The following LAYN variants were observed in gnomAD, a reference collection of about 807,000 sequenced individuals.
LAYN encodes layilin.
A neutral mutation model predicts 43.6 loss-of-function variants in LAYN; 38 were observed. That is an observed-to-expected ratio of 0.87 (90% confidence interval 0.67 to 1.14). The LOEUF is 1.14. LAYN is among the 50% of genes most tolerant of loss of function. The pLI is 0.00. For missense variants in LAYN, 479 were observed against 463.8 expected, an observed-to-expected ratio of 1.03 and a Z score of -0.30; for synonymous variants, 168 against 172.9, an observed-to-expected ratio of 0.97 and a Z score of 0.22.
At chr11:111,553,078 T>TA (rs1376535196) in intron 3 of LAYN, among the ~76,000 whole-genome samples, 1 of 151,816 alleles carries the variant, frequency 6.6e-6, no homozygotes, top group Admixed American at 6.6e-5. Context: ...CCGTCTCTAC[T>TA]AAAAAATACA....
At chr11:111,541,694 C>G (rs1867543227) in intron 1 of LAYN, 12 of 950,190 alleles carry the variant, frequency 1.3e-5, no homozygotes, top group Non-Finnish European at 1.6e-5. Context: ...CTTGACCAAA[C>G]GGGACAGAGG....
chr11:111,544,122 C>G lies in LAYN; in HGVS notation c.285C>G (p.Asp95Glu). 6.2e-7 allele frequency: 1 copy of G among 1,614,210 alleles called. No homozygotes were observed. Among genetic ancestry groups the G allele is most frequent in the Non-Finnish European group, 8.5e-7 (1 of 1,180,030 alleles). ...FIENLLPSDG[D>E]FWIGLRRREE... ...AAAACCTCTTGCCATCTGATGGTGA[C>G]TTCTGGATTGGGCTCAGGAGGCGTG... Residue 95 changes from aspartate to glutamate, a missense_variant, in exon 2 of 7, where the codon GAC becomes GAG. Transcript: ENST00000375614.
At chr11:111,555,365 C>G in intron 5 of LAYN, 75 bp downstream of exon 5, 1 of 1,057,752 alleles carries the variant, frequency 9.5e-7, no homozygotes, top group Non-Finnish European at 1.4e-6. Context: ...GTTGAATTCC[C>G]TACTTTGTTC....
In LAYN at chr11:111,544,110, A is replaced by G. The variant is rs779685452; in HGVS notation, c.273A>G (p.Pro91=). 31 of 1,614,230 alleles carry G rather than the reference A, an allele frequency of 1.9e-5. No individual in the cohort carries two copies. The highest frequency in any genetic ancestry group is 2.2e-5 in the East Asian group (1 of 44,888). Residue 91 remains proline (P), a synonymous_variant, in exon 2 of 7, where the codon CCA becomes CCG. Coordinates refer to ENST00000375614, the MANE Select transcript of LAYN (RefSeq NM_178834.5). ...AAAAGTTCATTGAAAACCTCTTGCC[A>G]TCTGATGGTGACTTCTGGATTGGGC... ...LIEKFIENLL[P]SDGDFWIGLR...
chr11:111,554,825 G>A (rs1479997661), intron 4 of LAYN, among the ~76,000 whole-genome samples: 4 of 152,132 alleles, frequency 2.6e-5, no homozygotes, highest in Non-Finnish European at 5.9e-5. Flanking sequence ...TGTTTGGGGT[G>A]TTACTTGTCA....
chr11:111,542,979 T>A (rs931697877), intron 1 of LAYN, among the ~76,000 whole-genome samples: 1 of 152,178 alleles, frequency 6.6e-6, no homozygotes, highest in African/African-American at 2.4e-5. Flanking sequence ...TGTTATTGGC[T>A]CCTCAGTAAA....
Position 111,540,720 on chromosome 11 carries a change from G to A in LAYN, c.-124G>A, listed in dbSNP as rs922237975. 5.4e-6 allele frequency: 5 copies of A among 922,122 alleles called. No individual in the cohort carries two copies. The highest frequency in any genetic ancestry group is 3.4e-5 in the Admixed American group (1 of 29,436). 57.1% of individuals were successfully genotyped at this position (922,122 alleles called of 1,614,324 possible). On this transcript the variant is annotated 5_prime_UTR_variant, in exon 1 of 7. In the 5' UTR this introduces an upstream ATG that the reference lacks. Transcript: ENST00000375614. ...CTCCGCGCCCTCCCCCCCGCCTCCC[G>A]TGCGGTCCGTCGGTGGCCTAGAGAT...
At chr11:111,555,344 A>G in intron 5 of LAYN, 54 bp downstream of exon 5, 2 of 1,282,852 alleles carry the variant, frequency 1.6e-6, no homozygotes, top group Non-Finnish European at 1.1e-6. Context: ...CTTGATTACA[A>G]ATTACCCATG....
At chr11:111,543,107 G>A (rs1170349997) in intron 1 of LAYN, among the ~76,000 whole-genome samples, 17 of 152,170 alleles carry the variant, frequency 1.1e-4, no homozygotes, top group Non-Finnish European at 1.5e-5. Context: ...TAGCAATTTA[G>A]TTCACTGGTA....
intron 5 of LAYN, among the ~76,000 whole-genome samples, chr11:111,556,890 C>T (rs961258568): frequency 6.6e-6 from 1 of 152,144 alleles, no homozygotes; most frequent in Admixed American, 6.5e-5. Flanking sequence ...CTAGAAAGTT[C>T]AGAAAAGTAA....
In LAYN at chr11:111,560,330, A is replaced by G. The variant is rs752670753; in HGVS notation, c.997A>G (p.Ser333Gly). ...CAACATGGCTGTGAACCCATCAGAA[A>G]GTGGGTTTGTGACTCTGGTGAGCGT... ...YDNMAVNPSE[S>G]GFVTLVSVES... is the part of the protein sequence containing the mutation. The change falls in exon 7 of 7, where the codon AGT (serine) becomes GGT (glycine). Residue 333 changes from serine to glycine, a missense_variant. Transcript: ENST00000375614. The G allele has an allele frequency of 1.2e-6, 2 of 1,614,192 alleles. No individual in the cohort carries two copies. The highest frequency in any genetic ancestry group is 1.7e-6 in the Non-Finnish European group (2 of 1,180,014).
At position 111,540,852 on chromosome 11, in the gene LAYN, G is replaced by C; in HGVS notation, c.9G>C (p.Pro3=). 6.5e-7 allele frequency: 1 copy of C among 1,530,156 alleles called. No homozygotes were observed. The highest frequency in any genetic ancestry group is 8.7e-7 in the Non-Finnish European group (1 of 1,144,722). The allele number at this position is 1,530,156 out of a possible 1,614,324, so 94.8% of individuals were successfully genotyped here. MR[P]GTALQAVLLA... The stretch of plus-strand genomic sequence containing the variant: ...CGCACCCGAGTCGGGCCATGAGGCC[G>C]GGAACCGCGCTACAGGCCGTGCTGC... The change falls in exon 1 of 7, where the codon CCG becomes CCC. Residue 3 remains proline (P), a synonymous_variant. Coordinates refer to ENST00000375614, the MANE Select transcript of LAYN (RefSeq NM_178834.5).
At chr11:111,545,074 A>ATATATATATT (rs1170875315) in intron 2 of LAYN, among the ~76,000 whole-genome samples, 48 of 148,450 alleles carry the variant, frequency 3.2e-4, no homozygotes, top group African/African-American at 1.1e-3. Context: ...ATATATATAT[A>ATATATATATT]TTTTTTACCT....
intron 1 of LAYN, among the ~76,000 whole-genome samples, chr11:111,543,560 C>T (rs927446576): frequency 6.6e-6 from 1 of 152,220 alleles, no homozygotes; most frequent in African/African-American, 2.4e-5. Context: ...CTTTAAGCCA[C>T]ATTATCCCCT....
intron 5 of LAYN, among the ~76,000 whole-genome samples, chr11:111,557,091 T>G (rs1008078411): frequency 6.6e-6 from 1 of 152,082 alleles, no homozygotes; most frequent in African/African-American, 2.4e-5. Flanking sequence ...ACTCCGTGAC[T>G]GTCCTTGGAG....
intron 2 of LAYN, among the ~76,000 whole-genome samples, chr11:111,545,062 A>G (rs1358926538): frequency 6.7e-6 from 1 of 150,166 alleles, no homozygotes; most frequent in Non-Finnish European, 1.5e-5. Context: ...ACAAATATAT[A>G]TATATATATA....
At position 111,557,642 on chromosome 11, in the gene LAYN, A is replaced by G. The variant is rs1350508356; in HGVS notation, c.760A>G (p.Arg254Gly). The change falls in exon 6 of 7, where the codon AGA (arginine) becomes GGA (glycine). Residue 254 changes from arginine to glycine, a missense_variant and splice_region_variant. Transcript: ENST00000375614. ...ATGTTGGGTTTGGATCTGTAGAAAAAGGCAAGTAAAACCTTCATTGTGTAA... is the reference window on the plus strand; with the variant it reads ...ATGTTGGGTTTGGATCTGTAGAAAAGGGCAAGTAAAACCTTCATTGTGTAA... Reference protein sequence around the residue: ...VVCWVWICRKRKREQPDPSTK... With the variant: ...VVCWVWICRKGKREQPDPSTK... 3 of 1,608,576 alleles carry G rather than the reference A, an allele frequency of 1.9e-6. No individual in the cohort carries two copies. Among genetic ancestry groups the G allele is most frequent in the Non-Finnish European group, 2.6e-6 (3 of 1,174,892 alleles).
chr11:111,551,302 G>A (rs553284077), intron 3 of LAYN: 7 of 456,148 alleles, frequency 1.5e-5, no homozygotes, highest in Admixed American at 1.2e-4. Context: ...TCTATCCTCT[G>A]ACCTTCTGCC....
At chr11:111,557,459 G>T in intron 5 of LAYN, 82 bp from the exon 6 acceptor site, 1 of 1,097,730 alleles carries the variant, frequency 9.1e-7, no homozygotes, top group Non-Finnish European at 1.4e-6. Flanking sequence ...TGACGATTAT[G>T]CTTTTTTTAA....
Sources: gnomAD v4.1 joint callset for allele counts (sites outside exome capture counted in the v4.1 genomes callset) on GRCh38, gnomAD v4.1.1 for gene constraint, MANE v1.5 for transcripts, NCBI Gene and HGNC (gene_info 2026-07-23, HGNC 2026-07-21) for gene names.